The following DSCAML1 variants were observed in gnomAD, a reference collection of about 807,000 sequenced individuals.
DSCAML1 encodes DS cell adhesion molecule like 1.
A neutral mutation model predicts 200.5 loss-of-function variants in DSCAML1; 38 were observed. The observed-to-expected ratio is 0.19, with a 90% CI of 0.15 to 0.25. The LOEUF (loss-of-function observed/expected upper bound fraction) is 0.25, where lower values mean the gene tolerates loss of function less well. Ranked by LOEUF, DSCAML1 falls within the 10% of genes least tolerant of loss-of-function variation. DSCAML1 has a pLI of 1.00. For synonymous variants in DSCAML1, 1,215 were observed against 1,165.0 expected (o/e 1.04, Z -0.87); for missense variants, 2,223 against 2,858.8 (o/e 0.78, Z 5.07).
chr11:117,794,306 C>A (rs11216546), intron 1 of DSCAML1, among the ~76,000 whole-genome samples: 1 of 151,970 alleles, frequency 6.6e-6, no homozygotes, highest in Non-Finnish European at 1.5e-5. Context: ...CAACGGAGAG[C>A]GCCTCGCCGG....
Position 117,678,761 on chromosome 11 carries a change from T to A in DSCAML1, c.511+98030A>T, listed in dbSNP as rs187972771. ...ACAATGGCATGCGCCAGAAGGCGGA[T>A]GGGGAGAAGTGGCAGGAGATGAGGA... On this transcript the variant is annotated intron_variant, in intron 3 of 32. Coordinates refer to ENST00000651296, the MANE Select transcript of DSCAML1 (RefSeq NM_020693.4). 4.6e-5 allele frequency among the ~76,000 whole-genome samples: 7 copies of A among 152,276 alleles called. No homozygotes were observed. The East Asian group carries it at 1.2e-3, about 25-fold the overall frequency.
intron 3 of DSCAML1, 131 bp downstream of exon 3, chr11:117,776,660 A>G (rs550244951): frequency 8.9e-7 from 1 of 1,118,010 alleles, no homozygotes; most frequent in African/African-American, 1.6e-5. Flanking sequence ...TCACCAGAAC[A>G]ATAACAAGTC....
intron 3 of DSCAML1, among the ~76,000 whole-genome samples, chr11:117,679,160 G>A (rs1269226287): frequency 1.3e-5 from 2 of 152,226 alleles, no homozygotes; most frequent in African/African-American, 2.4e-5. Context: ...GGGACGATGC[G>A]TGTTAGGCAC....
At chr11:117,730,902 C>T (rs561974901) in intron 3 of DSCAML1, among the ~76,000 whole-genome samples, 1 of 152,220 alleles carries the variant, frequency 6.6e-6, no homozygotes, top group Admixed American at 6.5e-5. Context: ...AAGCCGGACA[C>T]AAAAGGCCAC....
At chr11:117,532,245 A>C in intron 4 of DSCAML1, 131 bp downstream of exon 4, 2 of 846,340 alleles carry the variant, frequency 2.4e-6, no homozygotes, top group Non-Finnish European at 3.5e-6. Flanking sequence ...TGATTTCTTT[A>C]ATCTCTTTCT....
intron 19 of DSCAML1, among the ~76,000 whole-genome samples, chr11:117,456,970 C>T (rs187189624): frequency 8.2e-4 from 125 of 152,242 alleles, no homozygotes; most frequent in African/African-American, 2.4e-3. Flanking sequence ...CCACTGCATC[C>T]GGCCTGAAGC....
chr11:117,574,376 C>T (rs1009657547), intron 3 of DSCAML1, among the ~76,000 whole-genome samples: 9 of 152,208 alleles, frequency 5.9e-5, no homozygotes, highest in South Asian at 2.1e-4. Context: ...GGGCAGGCTC[C>T]GAAGGAGGTT....
At chr11:117,639,660 G>C (rs2052363192) in intron 3 of DSCAML1, among the ~76,000 whole-genome samples, 1 of 152,064 alleles carries the variant, frequency 6.6e-6, no homozygotes, top group South Asian at 2.1e-4. Flanking sequence ...AGGGAAGGAG[G>C]ATGCAGACGG....
intron 3 of DSCAML1, among the ~76,000 whole-genome samples, chr11:117,616,116 T>C (rs919765299): frequency 1.3e-5 from 2 of 152,196 alleles, no homozygotes; most frequent in Non-Finnish European, 2.9e-5. Flanking sequence ...GGGGTCATCA[T>C]CAGTCCGATT....
intron 3 of DSCAML1, among the ~76,000 whole-genome samples, chr11:117,561,803 A>G (rs1048359338): frequency 1.3e-5 from 2 of 152,238 alleles, no homozygotes; most frequent in Non-Finnish European, 2.9e-5. Flanking sequence ...CGGCATTGCA[A>G]CTGCCACTTA....
At chr11:117,694,280 G>A (rs192525670) in intron 3 of DSCAML1, among the ~76,000 whole-genome samples, 1 of 151,674 alleles carries the variant, frequency 6.6e-6, no homozygotes, top group Non-Finnish European at 1.5e-5. Context: ...GCAGGTGCCT[G>A]TAATCCCAGC....
intron 27 of DSCAML1, among the ~76,000 whole-genome samples, chr11:117,434,387 A>G (rs1483395199): frequency 1.3e-5 from 2 of 152,134 alleles, no homozygotes; most frequent in East Asian, 3.8e-4. Flanking sequence ...TCATTCTTAT[A>G]TTTATATGTT....
chr11:117,700,797 G>A (rs536770591), intron 3 of DSCAML1, among the ~76,000 whole-genome samples: 22 of 152,244 alleles, frequency 1.4e-4, no homozygotes, highest in South Asian at 4.1e-4. Context: ...CTTCCCCTCC[G>A]CCCAGCCAGA....
At chr11:117,750,145 T>G (rs983890776) in intron 3 of DSCAML1, among the ~76,000 whole-genome samples, 1 of 152,196 alleles carries the variant, frequency 6.6e-6, no homozygotes, top group African/African-American at 2.4e-5. Flanking sequence ...GGCATCTGGC[T>G]GGAAGAGAGA....
Position 117,439,877 on chromosome 11 carries a change from G to A in DSCAML1, c.3922C>T (p.Arg1308Trp), listed in dbSNP as rs1750112595. 11 of 1,614,048 alleles carry A rather than the reference G, an allele frequency of 6.8e-6. No individual in the cohort carries two copies. Among genetic ancestry groups the A allele is most frequent in the South Asian group, 1.1e-5 (1 of 91,084 alleles). The stretch of plus-strand genomic sequence containing the variant: ...TCTCCCACTGAATTGCAAGGCAGCC[G>A]AACATCTTTCATCCAAGGTGTTGTC... ...TVTTPWMKDV[R>W]LPCNSVGDPA... The change falls in exon 22 of 33, where the codon CGG becomes TGG. Residue 1308 changes from arginine (R) to tryptophan (W), a missense_variant. Physicochemically the swap from Arg to Trp is moderately radical, Grantham distance 101. This residue lies in a region of DSCAML1 where 614 missense variants were observed against 739.1 expected (regional missense o/e 0.83). Transcript: ENST00000651296.
intron 3 of DSCAML1, among the ~76,000 whole-genome samples, chr11:117,724,997 A>AC (rs1215598118): frequency 2.0e-5 from 3 of 152,110 alleles, no homozygotes; most frequent in African/African-American, 7.2e-5. Context: ...TTCTCTGGAC[A>AC]CCCCCAAAGG....
intron 3 of DSCAML1, among the ~76,000 whole-genome samples, chr11:117,725,753 C>T (rs1300393738): frequency 6.6e-6 from 1 of 152,106 alleles, no homozygotes; most frequent in African/African-American, 2.4e-5. Context: ...GGGAATTGTC[C>T]GGAGGCTTTG....
intron 3 of DSCAML1, among the ~76,000 whole-genome samples, chr11:117,691,223 C>A: frequency 6.6e-6 from 1 of 152,168 alleles, no homozygotes; most frequent in East Asian, 1.9e-4. Flanking sequence ...TCTCTGCACA[C>A]GGGGATCCTA....
chr11:117,428,790 G>T lies in DSCAML1; in HGVS notation c.5700C>A (p.Asn1900Lys). ...PHRANKSDYC[N>K]LPLYAKSEAF... ...CCTCTGACTTGGCATACAGGGGCAG[G>T]TTGCAGTAGTCACCTGGAATCACAG... The change falls in exon 33 of 33, where the codon AAC becomes AAA. Residue 1900 changes from asparagine (N) to lysine (K), a missense_variant. Transcript: ENST00000651296. The T allele has an allele frequency of 6.2e-7, 1 of 1,603,054 alleles. No homozygotes were observed. The highest frequency in any genetic ancestry group is 1.1e-5 in the South Asian group (1 of 88,998).
Sources: gnomAD v4.1 joint callset for allele counts (sites outside exome capture counted in the v4.1 genomes callset) on GRCh38, gnomAD v4.1.1 for gene constraint, gnomAD v4.1.1 regional missense constraint, MANE v1.5 for transcripts, NCBI Gene and HGNC (gene_info 2026-07-23, HGNC 2026-07-21) for gene names.